PPP2R5D: variants seen among roughly 807,000 people sequenced by gnomAD.
The protein encoded by PPP2R5D is serine/threonine-protein phosphatase 2A 56 kDa regulatory subunit delta isoform.
In PPP2R5D, 12 loss-of-function variants were observed where a neutral mutation model predicts 79.1. The ratio of observed to expected loss-of-function variants is 0.15; its 90% CI spans 0.10 to 0.25. The LOEUF (loss-of-function observed/expected upper bound fraction) is 0.25. Ranked by LOEUF, PPP2R5D falls within the 10% of genes least tolerant of loss-of-function variation. The pLI, the probability that PPP2R5D is intolerant of heterozygous loss-of-function variation, is 1.00. For missense variants in PPP2R5D, 419 were observed against 760.2 expected (o/e 0.55, Z 5.28); for synonymous variants, 277 against 286.6 (o/e 0.97, Z 0.34).
chr6:43,006,761 T>A lies in PPP2R5D; in HGVS notation c.322+82T>A. On this transcript the variant is annotated intron_variant, in intron 3 of 15. Transcript: ENST00000485511. The surrounding 1 kb of genome is among the most constrained non-coding windows in gnomAD (Gnocchi z 4.7). ...TGGTGGAATGGAAGTTTTGGGGTAT[T>A]TTGCGGGGAAGGGAGTTCCAGAGAA... is the stretch of plus-strand genomic sequence containing the variant. 6.3e-7 allele frequency: 1 copy of A among 1,580,380 alleles called. No individual in the cohort carries two copies. The highest frequency in any genetic ancestry group is 8.6e-7 in the Non-Finnish European group (1 of 1,160,634).
intron 2 of PPP2R5D, among the ~76,000 whole-genome samples, chr6:42,991,023 T>C (rs140755341): frequency 3.9e-4 from 59 of 152,362 alleles, no homozygotes; most frequent in African/African-American, 1.4e-3. Context: ...TTATGCGGTA[T>C]TCTAAATATC....
chr6:42,996,903 A>G (rs1335953955), intron 2 of PPP2R5D, among the ~76,000 whole-genome samples: 1 of 152,240 alleles, frequency 6.6e-6, no homozygotes, highest in Non-Finnish European at 1.5e-5. Flanking sequence ...CAAAAGAGAT[A>G]TAATATTTAA....
chr6:42,998,055 ATATTTT>A (rs1771910042), intron 2 of PPP2R5D, among the ~76,000 whole-genome samples: 3 of 15,852 alleles, frequency 1.9e-4, no homozygotes, highest in African/African-American at 5.8e-4. Flanking sequence ...ATATATATAT[ATATTTT>A]TTTTTTTTTT....
At chr6:42,996,300 TA>T (rs1307046943) in intron 2 of PPP2R5D, among the ~76,000 whole-genome samples, 3 of 150,226 alleles carry the variant, frequency 2.0e-5, no homozygotes, top group East Asian at 2.0e-4. Flanking sequence ...CCGTCTCTAC[TA>T]AAAAATACAA....
Position 43,006,814 on chromosome 6 carries a change from A to T in PPP2R5D, c.323-97A>T, listed in dbSNP as rs1762109620. ...CGGGAAGGGGGTGCCAGGGAGCAGG[A>T]TGGTGGCAGGGTGGGGTAAGGGAAA... On this transcript the variant is annotated intron_variant, in intron 3 of 15. Coordinates refer to ENST00000485511, the MANE Select transcript of PPP2R5D (RefSeq NM_006245.4). This position sits in a 1 kb window ranked among gnomAD's most constrained non-coding sequence, Gnocchi z 4.7. The T allele has an allele frequency of 1.3e-6, 2 of 1,575,848 alleles. No homozygotes were observed. The highest frequency in any genetic ancestry group is 1.7e-5 in the Admixed American group (1 of 59,328).
chr6:42,986,357 A>G (rs143223203), intron 1 of PPP2R5D, among the ~76,000 whole-genome samples: 3 of 151,878 alleles, frequency 2.0e-5, no homozygotes, highest in African/African-American at 7.2e-5. Context: ...CCAGAGGTAT[A>G]TTGCTTTCAT....
chr6:42,991,203 T>C (rs1020016376), intron 2 of PPP2R5D, among the ~76,000 whole-genome samples: 1 of 152,192 alleles, frequency 6.6e-6, no homozygotes, highest in African/African-American at 2.4e-5. Context: ...GAAGACACAC[T>C]ATGGGCTCAG....
At chr6:42,990,805 G>C (rs1771210945) in intron 2 of PPP2R5D, among the ~76,000 whole-genome samples, 2 of 145,174 alleles carry the variant, frequency 1.4e-5, no homozygotes, top group Admixed American at 1.4e-4. Context: ...CACCTCCCGG[G>C]TTCAAGCAAT....
rs892447527 is a variant in PPP2R5D at position 43,007,385 on chromosome 6, C to A, written c.634-29C>A. 2 of 1,604,428 alleles carry A rather than the reference C, an allele frequency of 1.2e-6. No individual in the cohort carries two copies. Among genetic ancestry groups the A allele is most frequent in the Non-Finnish European group, 1.7e-6 (2 of 1,171,206 alleles). ...AGGCCTGCAAGTCCTTGGGAACATC[C>A]CCTCAGTGGCGTGCCTTTTCCCCTA... On this transcript the variant is annotated intron_variant, in intron 5 of 15. Transcript: ENST00000485511. The surrounding 1 kb of genome is among the most constrained non-coding windows in gnomAD (Gnocchi z 4.5).
chr6:43,003,184 A>C (rs972682331), intron 2 of PPP2R5D, among the ~76,000 whole-genome samples: 1 of 152,168 alleles, frequency 6.6e-6, no homozygotes, highest in African/African-American at 2.4e-5. Context: ...ACACTTTGGG[A>C]GGCCGAGGCA....
At chr6:42,994,684 AATCCCAGCCTGTT>A (rs369345874) in intron 2 of PPP2R5D, among the ~76,000 whole-genome samples, 23,750 of 151,524 alleles carry the variant, frequency 0.16, 2,369 homozygotes, top group Non-Finnish European at 0.22. Context: ...GCATGCCTGT[AATCCCAGCCTGTT>A]ATCCCAGCTA....
chr6:42,990,407 C>G (rs1207399523), intron 2 of PPP2R5D, among the ~76,000 whole-genome samples: 1 of 152,104 alleles, frequency 6.6e-6, no homozygotes, highest in Admixed American at 6.6e-5. Flanking sequence ...CTAAACTGTT[C>G]AGAGGGATGA....
chr6:42,998,976 A>G (rs1771987623), intron 2 of PPP2R5D, among the ~76,000 whole-genome samples: 1 of 152,200 alleles, frequency 6.6e-6, no homozygotes, highest in South Asian at 2.1e-4. Flanking sequence ...CAGAGGTTGC[A>G]GTGAGCTGAG....
chr6:43,008,072 C>T lies in PPP2R5D; in HGVS notation c.857+7C>T, dbSNP rs768194468. ...TCAACCACATCTTCTACAGGTGAGG[C>T]CAGGAGCCCAGGCTTAGGAGCAAAA... On this transcript the variant is annotated splice_region_variant and intron_variant, in intron 7 of 15. Coordinates refer to ENST00000485511, the MANE Select transcript of PPP2R5D (RefSeq NM_006245.4). This position sits in a 1 kb window ranked among gnomAD's most constrained non-coding sequence, Gnocchi z 4.2. 30 of 1,614,168 alleles carry T rather than the reference C, an allele frequency of 1.9e-5. No homozygotes were observed. The highest frequency in any genetic ancestry group is 2.5e-5 in the Non-Finnish European group (30 of 1,180,006).
intron 2 of PPP2R5D, among the ~76,000 whole-genome samples, chr6:42,999,205 A>G (rs574101836): frequency 1.5e-4 from 23 of 152,220 alleles, no homozygotes; most frequent in Non-Finnish European, 2.9e-4. Context: ...TGAATGCACA[A>G]GTTAGTGGCT....
rs1581864638 is a variant in PPP2R5D, at chr6:43,011,372, T to G, written c.*86T>G. 2 of 1,549,340 alleles carry G rather than the reference T, an allele frequency of 1.3e-6. No homozygotes were observed. The highest frequency in any genetic ancestry group is 1.8e-6 in the Non-Finnish European group (2 of 1,139,642). On this transcript the variant is annotated 3_prime_UTR_variant, in exon 16 of 16. Coordinates refer to ENST00000485511, the MANE Select transcript of PPP2R5D (RefSeq NM_006245.4). The stretch of plus-strand genomic sequence containing the variant: ...TCCATACTCTGCTCCCTACTGGCTG[T>G]CTTGGGGGAAGGCAGCGCCTCTCTA...
chr6:42,989,464 C>T, intron 1 of PPP2R5D, 147 bp from the exon 2 acceptor site: 1 of 669,998 alleles, frequency 1.5e-6, no homozygotes, highest in Non-Finnish European at 2.5e-6. Context: ...GTAGATCCCT[C>T]CACCCACCCC....
At chr6:42,992,968 G>A (rs911128032) in intron 2 of PPP2R5D, among the ~76,000 whole-genome samples, 10 of 151,030 alleles carry the variant, frequency 6.6e-5, no homozygotes, top group African/African-American at 1.7e-4. Context: ...TGAGAGCAGC[G>A]TGGCCAACAT....
intron 2 of PPP2R5D, among the ~76,000 whole-genome samples, chr6:42,995,057 C>A (rs1469308521): frequency 1.3e-5 from 2 of 151,866 alleles, no homozygotes; most frequent in Admixed American, 6.6e-5. Context: ...CACCCTCAAC[C>A]CCTCTGAGCT....
Sources: gnomAD v4.1 joint callset for allele counts (sites outside exome capture counted in the v4.1 genomes callset) on GRCh38, gnomAD v4.1.1 for gene constraint, Gnocchi (gnomAD v3.1) non-coding constraint, MANE v1.5 for transcripts, NCBI Gene and HGNC (gene_info 2026-07-23, HGNC 2026-07-21) for gene names.